EPB41L4B: variants seen among roughly 807,000 people sequenced by gnomAD.
EPB41L4B encodes band 4.1-like protein 4B.
A neutral mutation model predicts 112.5 loss-of-function variants in EPB41L4B; 30 were observed. The observed-to-expected ratio is 0.27, with a 90% confidence interval of 0.20 to 0.36. The LOEUF (loss-of-function observed/expected upper bound fraction) is 0.36, where lower values mean the gene tolerates loss of function less well. Among genes scored for constraint, EPB41L4B ranks in the 10% least tolerant of loss-of-function variants. The probability of loss-of-function intolerance (pLI) is 1.00; values close to 1 mark genes in which losing one functional copy is unlikely to be tolerated. For missense variants in EPB41L4B, 1,024 were observed against 1,133.3 expected (o/e 0.90, Z 1.38); for synonymous variants, 408 against 439.7 (o/e 0.93, Z 0.90).
At chr9:109,241,452 C>G (rs1449591001) in intron 15 of EPB41L4B, 1 of 1,327,448 alleles carries the variant, frequency 7.5e-7, no homozygotes, top group African/African-American at 1.5e-5. Context: ...TGAGCCTTTA[C>G]CTTCATTTTA....
At chr9:109,316,362 C>T (rs776718433) in intron 1 of EPB41L4B, among the ~76,000 whole-genome samples, 2 of 152,178 alleles carry the variant, frequency 1.3e-5, no homozygotes, top group African/African-American at 4.8e-5. Context: ...CACAGGGCAA[C>T]GGGAGGCGGG....
At chr9:109,280,542 T>A (rs1213155544) in intron 1 of EPB41L4B, among the ~76,000 whole-genome samples, 1 of 152,164 alleles carries the variant, frequency 6.6e-6, no homozygotes, top group African/African-American at 2.4e-5. Context: ...GCCACTTGAC[T>A]TCGTACAAGT....
intron 1 of EPB41L4B, among the ~76,000 whole-genome samples, chr9:109,298,788 T>A (rs1007534695): frequency 1.3e-5 from 2 of 152,084 alleles, no homozygotes; most frequent in African/African-American, 4.8e-5. Flanking sequence ...CTAACCCCAA[T>A]TTTCTCCAGT....
At chr9:109,192,525 A>T (rs1360845334) in intron 21 of EPB41L4B, among the ~76,000 whole-genome samples, 170 bp from the exon 22 acceptor site, 2 of 152,148 alleles carry the variant, frequency 1.3e-5, no homozygotes, top group Non-Finnish European at 2.9e-5. Flanking sequence ...TTGAGACTTG[A>T]ACCCCAATTT....
intron 1 of EPB41L4B, among the ~76,000 whole-genome samples, chr9:109,281,830 C>G (rs1314209984): frequency 2.6e-5 from 4 of 152,176 alleles, no homozygotes; most frequent in Non-Finnish European, 5.9e-5. Context: ...TGGAAAATAG[C>G]CTGGCAGTTC....
chr9:109,252,392 T>A (rs1317526368), intron 12 of EPB41L4B, among the ~76,000 whole-genome samples: 1 of 152,170 alleles, frequency 6.6e-6, no homozygotes, highest in Admixed American at 6.5e-5. Context: ...CCACCCTTCA[T>A]CAACCCATCG....
At chr9:109,226,695 TGAATATATATATGAA>T (rs1350694125) in intron 15 of EPB41L4B, among the ~76,000 whole-genome samples, 2 of 113,782 alleles carry the variant, frequency 1.8e-5, no homozygotes, top group East Asian at 2.5e-4. Flanking sequence ...AATATATATA[TGAATATATATATGAA>T]GAATATATAT....
chr9:109,273,816 A>G (rs1835714383), intron 2 of EPB41L4B, among the ~76,000 whole-genome samples: 1 of 152,200 alleles, frequency 6.6e-6, no homozygotes, highest in South Asian at 2.1e-4. Flanking sequence ...CAGTTGTAAC[A>G]TAGATCCCCA....
intron 11 of EPB41L4B, among the ~76,000 whole-genome samples, chr9:109,253,781 C>A (rs953233397): frequency 6.6e-6 from 1 of 152,286 alleles, no homozygotes; most frequent in Admixed American, 6.5e-5. Context: ...GCAAAACCTG[C>A]AATTTAGGTA....
At chr9:109,176,726 A>G (rs145253988) in intron 24 of EPB41L4B, 30 bp from the exon 25 acceptor site, 5 of 1,612,506 alleles carry the variant, frequency 3.1e-6, no homozygotes, top group East Asian at 2.2e-5. Flanking sequence ...GAGGAGATCA[A>G]TCTCAATTTG....
chr9:109,289,438 A>G (rs771248703), intron 1 of EPB41L4B, among the ~76,000 whole-genome samples: 13 of 152,224 alleles, frequency 8.5e-5, no homozygotes, highest in Non-Finnish European at 1.2e-4. Context: ...CCTTGTTGGC[A>G]GCACCCTGCC....
At chr9:109,264,845 C>A in intron 5 of EPB41L4B, 135 bp downstream of exon 5, 1 of 636,338 alleles carries the variant, frequency 1.6e-6, no homozygotes, top group Non-Finnish European at 2.6e-6. Context: ...AAGTATTAGA[C>A]TCACTTTACA....
Position 109,256,479 on chromosome 9 carries a change from C to G in EPB41L4B, c.754G>C (p.Gly252Arg). The G allele has an allele frequency of 1.2e-6, 2 of 1,613,670 alleles. No homozygotes were observed. The highest frequency in any genetic ancestry group is 1.7e-6 in the Non-Finnish European group (2 of 1,179,868). ...AGTTCCGCCTGGGCAGGGCTCTTTCCCCTTAGAAAAACCAATGGAAATACA... is the reference window on the plus strand; with the variant it reads ...AGTTCCGCCTGGGCAGGGCTCTTTCGCCTTAGAAAAACCAATGGAAATACA... ...DIFQRWKECR[G>R]KSPAQAELSY... Residue 252 changes from glycine to arginine, a missense_variant and splice_region_variant, in exon 8 of 26, where the codon GGA becomes CGA. By Grantham distance (125) the Gly-to-Arg change is moderately radical. Transcript: ENST00000374566.
chr9:109,253,868 C>T (rs1834885307), intron 11 of EPB41L4B, among the ~76,000 whole-genome samples: 1 of 152,204 alleles, frequency 6.6e-6, no homozygotes, highest in African/African-American at 2.4e-5. Flanking sequence ...ATAAAATAAC[C>T]TTTCACAGAA....
intron 1 of EPB41L4B, among the ~76,000 whole-genome samples, chr9:109,311,216 C>T (rs145403664): frequency 1.3e-5 from 2 of 152,174 alleles, no homozygotes; most frequent in African/African-American, 4.8e-5. Flanking sequence ...ATATTAATAC[C>T]ATGATTTTCA....
At chr9:109,279,678 A>C (rs1326794617) in intron 2 of EPB41L4B, 139 bp downstream of exon 2, 1 of 713,474 alleles carries the variant, frequency 1.4e-6, no homozygotes, top group East Asian at 2.7e-5. Flanking sequence ...GGGCACCACA[A>C]CCTCCATCCC....
chr9:109,282,655 A>AGATTTAGCC (rs1400822103), intron 1 of EPB41L4B, among the ~76,000 whole-genome samples: 12 of 152,136 alleles, frequency 7.9e-5, no homozygotes, highest in African/African-American at 2.7e-4. Flanking sequence ...TCTCTCCGCA[A>AGATTTAGCC]GATTTAGCCT....
chr9:109,305,340 C>T (rs1216486786), intron 1 of EPB41L4B, among the ~76,000 whole-genome samples: 2 of 152,154 alleles, frequency 1.3e-5, no homozygotes, highest in South Asian at 2.1e-4. Flanking sequence ...CAGCACAGGC[C>T]GGATGAGGTG....
At chr9:109,261,555 C>T (rs897263366) in intron 6 of EPB41L4B, among the ~76,000 whole-genome samples, 1 of 152,048 alleles carries the variant, frequency 6.6e-6, no homozygotes, top group Non-Finnish European at 1.5e-5. Context: ...GAGCATCCTA[C>T]GGTCATTAAA....
Sources: allele counts gnomAD v4.1 joint callset (sites outside exome capture counted in the v4.1 genomes callset), GRCh38; gene constraint gnomAD v4.1.1; transcripts MANE v1.5; gene names NCBI Gene and HGNC (gene_info 2026-07-23, HGNC 2026-07-21).